COL12A1: variants seen among roughly 807,000 people sequenced by gnomAD.
The protein encoded by COL12A1 is collagen alpha-1(XII) chain.
In COL12A1, 114 loss-of-function variants were observed where a neutral mutation model predicts 349.7. The ratio of observed to expected loss-of-function variants is 0.33; its 90% CI spans 0.28 to 0.38. COL12A1 has a LOEUF of 0.38. Ranked by LOEUF, COL12A1 falls within the 10% of genes least tolerant of loss-of-function variation. The pLI is 1.00. For synonymous variants in COL12A1, 1,369 were observed against 1,329.0 expected, an observed-to-expected ratio of 1.03 and a Z score of -0.66; for missense variants, 3,284 against 3,756.9, an observed-to-expected ratio of 0.87 and a Z score of 3.29.
chr6:75,151,058 G>GGGGGGCC, intron 21 of COL12A1, 83 bp downstream of exon 21: 3 of 368,966 alleles, frequency 8.1e-6, no homozygotes, highest in Non-Finnish European at 5.2e-6. Flanking sequence ...ACAAAATAGT[G>GGGGGGCC]CCCTCCCCCC....
intron 2 of COL12A1, among the ~76,000 whole-genome samples, chr6:75,197,415 C>T (rs1033375584): frequency 6.6e-6 from 1 of 151,356 alleles, no homozygotes; most frequent in South Asian, 2.1e-4. Context: ...TAGGTTCAAG[C>T]GATTCTCCTG....
At position 75,130,313 on chromosome 6, in the gene COL12A1, T is replaced by C. The variant is rs144476645; in HGVS notation, c.6068-80A>G. 1,305 of 1,401,274 alleles carry C rather than the reference T, an allele frequency of 9.3e-4. 12 individuals carry two copies. The African/African-American group carries it at 0.016, about 17-fold the overall frequency. The allele number at this position is 1,401,274 out of a possible 1,614,324, so 86.8% of individuals were successfully genotyped here. A position where few individuals can be genotyped will look rare whatever the true frequency, so the allele number is the denominator to read the frequency against. Reference sequence around the variant, plus strand: ...TCAGATTAAGGAGGTTGCTTGCATGTGTTTCATTCACCATTCACTCAGATG... The same window carrying C: ...TCAGATTAAGGAGGTTGCTTGCATGCGTTTCATTCACCATTCACTCAGATG... On this transcript the variant is annotated intron_variant, in intron 36 of 65. Transcript: ENST00000322507.
chr6:75,134,179 T>C (rs1582105865), intron 32 of COL12A1, among the ~76,000 whole-genome samples, 182 bp from the exon 33 acceptor site: 1 of 152,298 alleles, frequency 6.6e-6, no homozygotes, highest in South Asian at 2.1e-4. Context: ...GTCTCATCTA[T>C]CCACAAGACA....
At chr6:75,095,611 G>C (rs549531982) in intron 59 of COL12A1, among the ~76,000 whole-genome samples, 1 of 136,652 alleles carries the variant, frequency 7.3e-6, no homozygotes, top group Non-Finnish European at 1.5e-5. Context: ...GCGACAGAGC[G>C]AGACTCCGTC....
At chr6:75,138,243 G>A (rs1345411609) in intron 30 of COL12A1, 77 bp downstream of exon 30, 7 of 1,375,430 alleles carry the variant, frequency 5.1e-6, no homozygotes, top group Admixed American at 4.0e-5. Flanking sequence ...TATTTATTAT[G>A]TATCTTATGG....
At position 75,184,059 on chromosome 6, in the gene COL12A1, C is replaced by T. The variant is rs373691118; in HGVS notation, c.1083G>A (p.Val361=). Reference sequence around the variant, plus strand: ...GTGTGAGGATGACTTTGTAGCCAGTCACTGGACTAGGAGATGGATTCCAAT... The same window carrying T: ...GTGTGAGGATGACTTTGTAGCCAGTTACTGGACTAGGAGATGGATTCCAAT... The part of the protein sequence containing the change: ...KLNWNPSPSP[V]TGYKVILTPM... The change falls in exon 9 of 66, where the codon GTG becomes GTA. Residue 361 remains valine, a synonymous_variant. Coordinates refer to ENST00000322507, the MANE Select transcript of COL12A1 (RefSeq NM_004370.6). The T allele has an allele frequency of 1.2e-6, 2 of 1,614,046 alleles. No homozygotes were observed. The highest frequency in any genetic ancestry group is 1.7e-6 in the Non-Finnish European group (2 of 1,180,038).
At chr6:75,118,950 A>G (rs1769217491) in intron 46 of COL12A1, 93 bp downstream of exon 46, 1 of 1,538,768 alleles carries the variant, frequency 6.5e-7, no homozygotes, top group African/African-American at 1.4e-5. Flanking sequence ...GAAACAATAA[A>G]GTAACATCAG....
chr6:75,124,215 TAC>T (rs1562164254), intron 41 of COL12A1, 38 bp downstream of exon 41: 1 of 1,598,762 alleles, frequency 6.3e-7, no homozygotes, highest in East Asian at 2.2e-5. Context: ...ATGTTTCCAC[TAC>T]ATGCTCCAGA....
chr6:75,145,885 G>A (rs971595230), intron 24 of COL12A1, among the ~76,000 whole-genome samples: 1 of 152,074 alleles, frequency 6.6e-6, no homozygotes, highest in Non-Finnish European at 1.5e-5. Flanking sequence ...GCCCACCTCC[G>A]CCTCCCAAAG....
Position 75,103,817 on chromosome 6 carries a change from TACATAGAGC to T in COL12A1, c.8266-16_8266-8del. 6.2e-7 allele frequency: 1 copy of T among 1,611,462 alleles called. No individual in the cohort carries two copies. ...CTTTAGCACCAGGTCCTCCCTAAAA[TACATAGAGC>T]ACATAGTAGTGTGAACATAGGAAAA... On this transcript the variant is annotated splice_region_variant and splice_polypyrimidine_tract_variant and intron_variant, in intron 54 of 65. Coordinates refer to ENST00000322507, the MANE Select transcript of COL12A1 (RefSeq NM_004370.6).
chr6:75,175,059 C>G lies in COL12A1; in HGVS notation c.2689G>C (p.Gly897Arg), dbSNP rs2149451801. The change falls in exon 13 of 66, where the codon GGT becomes CGT. Residue 897 changes from glycine (G) to arginine (R), a missense_variant. By Grantham distance (125) the Gly-to-Arg change is moderately radical. Around this residue, in one of 2 missense-constraint regions of COL12A1, gnomAD observed 2,601 missense variants for 2,824.8 expected, o/e 0.92. Transcript: ENST00000322507. ...YASGAGDALFGEGTTLEERGS... is the reference protein window; with the variant it reads ...YASGAGDALFREGTTLEERGS... ...TTACCTTCAAGTGTTGTTCCTTCAC[C>G]AAAGAGGGCGTCTCCAGCCCCAGAC... 6.2e-7 allele frequency: 1 copy of G among 1,613,982 alleles called. No individual in the cohort carries two copies. The highest frequency in any genetic ancestry group is 1.3e-5 in the African/African-American group (1 of 75,022).
chr6:75,173,834 A>T (rs1037799844), intron 13 of COL12A1, among the ~76,000 whole-genome samples: 5 of 152,206 alleles, frequency 3.3e-5, no homozygotes, highest in African/African-American at 9.6e-5. Flanking sequence ...TATTTTGCTT[A>T]GTCACTGTGA....
intron 51 of COL12A1, 51 bp from the exon 52 acceptor site, chr6:75,109,218 G>A: frequency 7.6e-7 from 1 of 1,313,818 alleles, no homozygotes; most frequent in South Asian, 1.4e-5. Context: ...AAAAAAATTA[G>A]CTGACTCTGC....
At chr6:75,148,038 T>A (rs75385159) in intron 22 of COL12A1, among the ~76,000 whole-genome samples, 1 of 152,184 alleles carries the variant, frequency 6.6e-6, no homozygotes, top group Non-Finnish European at 1.5e-5. Context: ...TCATCTTCAA[T>A]GTTCCTTGCT....
At chr6:75,125,775 T>C (rs947942938) in intron 39 of COL12A1, among the ~76,000 whole-genome samples, 4 of 152,154 alleles carry the variant, frequency 2.6e-5, no homozygotes, top group African/African-American at 9.6e-5. Context: ...TTGCCATCTC[T>C]CTTTCATGTT....
rs1310317536 is a variant in COL12A1, at chr6:75,200,883, A to G, written c.73+1837T>C. Among the ~76,000 whole-genome samples the G allele has an allele frequency of 6.6e-5, 10 of 152,198 alleles. No individual in the cohort carries two copies. In the East Asian group the frequency reaches 1.9e-3, roughly 29 times the overall value. ...AAGGCCAAAAAATGAATCCTATTAAAATATAATTATTAAATACTAACTTAA... is the reference window on the plus strand; with the variant it reads ...AAGGCCAAAAAATGAATCCTATTAAGATATAATTATTAAATACTAACTTAA... On this transcript the variant is annotated intron_variant, in intron 2 of 65. Coordinates refer to ENST00000322507, the MANE Select transcript of COL12A1 (RefSeq NM_004370.6).
intron 11 of COL12A1, among the ~76,000 whole-genome samples, chr6:75,179,663 T>C (rs1179896368): frequency 6.6e-6 from 1 of 152,226 alleles, no homozygotes; most frequent in Non-Finnish European, 1.5e-5. Flanking sequence ...AATACTTCCT[T>C]ATAACTATCT....
intron 10 of COL12A1, 86 bp from the exon 11 acceptor site, chr6:75,181,297 C>A (rs1251689009): frequency 1.7e-5 from 22 of 1,326,370 alleles, no homozygotes; most frequent in Non-Finnish European, 2.1e-5. Flanking sequence ...TATAAAATGG[C>A]TTACATTAAT....
At chr6:75,126,947 T>C (rs1275996409) in intron 38 of COL12A1, among the ~76,000 whole-genome samples, 1 of 152,100 alleles carries the variant, frequency 6.6e-6, no homozygotes, top group Non-Finnish European at 1.5e-5. Context: ...CACCATTACC[T>C]AGAATAAATC....
Sources: allele counts gnomAD v4.1 joint callset (sites outside exome capture counted in the v4.1 genomes callset), GRCh38; gene constraint gnomAD v4.1.1; regional missense constraint gnomAD v4.1.1; transcripts MANE v1.5; gene names NCBI Gene and HGNC (gene_info 2026-07-23, HGNC 2026-07-21).